The following PTPRN variants were observed in gnomAD, a reference collection of about 807,000 sequenced individuals.
The protein encoded by PTPRN is receptor-type tyrosine-protein phosphatase-like N.
PTPRN carries 70 observed loss-of-function variants against 108.5 expected under a neutral mutation model. That is an observed-to-expected ratio of 0.65 (90% CI 0.53 to 0.79). The LOEUF is 0.79. Among genes scored for constraint, PTPRN ranks in the 30% least tolerant of loss-of-function variants. The pLI is 0.00. For synonymous variants in PTPRN, 496 were observed against 524.6 expected, an observed-to-expected ratio of 0.95 and a Z score of 0.75; for missense variants, 1,136 against 1,295.5, an observed-to-expected ratio of 0.88 and a Z score of 1.89.
rs771782512 is a variant in PTPRN, at chr2:219,302,542, T to C, written c.639+34A>G. 5.0e-6 allele frequency: 8 copies of C among 1,612,846 alleles called. No homozygotes were observed. The East Asian group carries it at 1.8e-4, about 36-fold the overall frequency. On this transcript the variant is annotated intron_variant, in intron 5 of 22. Transcript: ENST00000295718. ...AGAGCAGAAGTCCGGGCTGAGGGAC[T>C]GCGGTTGGGGTGGGACCAGAGTCAA... is the stretch of plus-strand genomic sequence containing the variant.
chr2:219,302,167 C>T lies in PTPRN; in HGVS notation c.964G>A (p.Glu322Lys). The T allele has an allele frequency of 1.3e-6, 2 of 1,596,138 alleles. No homozygotes were observed. The highest frequency in any genetic ancestry group is 8.6e-7 in the Non-Finnish European group (1 of 1,167,086). The stretch of plus-strand genomic sequence containing the variant: ...TGCACAGCTGGGGAAGCAGGCTTCT[C>T]TCCACGATCCCCTAGTCCTTCCTTC... ...YEKEGLGDRG[E>K]KPASPAVQPD... The change falls in exon 6 of 23, where the codon GAG becomes AAG. Residue 322 changes from glutamate to lysine, a missense_variant. By Grantham distance (56) the Glu-to-Lys change is moderately conservative. Transcript: ENST00000295718.
chr2:219,297,546 A>G lies in PTPRN; in HGVS notation c.1888-113T>C. 1.9e-6 allele frequency: 2 copies of G among 1,059,702 alleles called. No individual in the cohort carries two copies. The highest frequency in any genetic ancestry group is 1.5e-5 in the South Asian group (1 of 67,228). 65.6% of individuals were successfully genotyped at this position (1,059,702 alleles called of 1,614,324 possible). ...CCTTGACTGATTTTCAGTGGAACTC[A>G]GCTCCTCTGGGGTATGGTCTTCTGC... On this transcript the variant is annotated intron_variant, in intron 13 of 22. Transcript: ENST00000295718. This position sits in a 1 kb window ranked among gnomAD's most constrained non-coding sequence, Gnocchi z 6.0.
In PTPRN at chr2:219,296,929, CCA is replaced by C. The variant is rs1952212573; in HGVS notation, c.2236+54_2236+55del. 3.7e-6 allele frequency: 6 copies of C among 1,612,476 alleles called. No individual in the cohort carries two copies. The Admixed American group carries it at 1.0e-4, about 27-fold the overall frequency. On this transcript the variant is annotated intron_variant, in intron 15 of 22. Coordinates refer to ENST00000295718, the MANE Select transcript of PTPRN (RefSeq NM_002846.4). This position sits in a 1 kb window ranked among gnomAD's most constrained non-coding sequence, Gnocchi z 6.0. ...AGCCCAACCCCTTACCCCAAGCCCT[CCA>C]GACCTCGCAGCAGAGAGAGGGCTGG...
chr2:219,294,724 G>A (rs776884163), intron 19 of PTPRN, among the ~76,000 whole-genome samples: 13 of 152,136 alleles, frequency 8.5e-5, no homozygotes, highest in South Asian at 2.1e-4. Context: ...TCCCGGGAGC[G>A]TGAGAGGGAG....
In PTPRN at chr2:219,302,844, AG is replaced by A. The variant is rs1327881894; in HGVS notation, c.378-8del. 2 of 1,606,694 alleles carry A rather than the reference AG, an allele frequency of 1.2e-6. No individual in the cohort carries two copies. Among genetic ancestry groups the A allele is most frequent in the Admixed American group, 3.5e-5 (2 of 56,728 alleles). On this transcript the variant is annotated splice_polypyrimidine_tract_variant and splice_region_variant and intron_variant, in intron 4 of 22. Transcript: ENST00000295718. The stretch of plus-strand genomic sequence containing the variant: ...CTTGGGTGCCAAGCCAGACCTGTAG[AG>A]GAAAGCAAAGTGTGTGTGTTGGAGC...
rs766287867 is a variant in PTPRN, at chr2:219,301,714, C to T, written c.1000G>A (p.Ala334Thr). The stretch of plus-strand genomic sequence containing the variant: ...AGCACAGCGGCCAGCCTCTGCAGAG[C>T]CGCATCTGCTGGGAGCCAGACACAG... Reference protein sequence around the residue: ...PASPAVQPDAALQRLAAVLAG... With the variant: ...PASPAVQPDATLQRLAAVLAG... Residue 334 changes from alanine (A) to threonine (T), a missense_variant, in exon 7 of 23, where the codon GCT becomes ACT. Transcript: ENST00000295718. The T allele has an allele frequency of 1.2e-6, 2 of 1,608,264 alleles. No homozygotes were observed. The highest frequency in any genetic ancestry group is 1.7e-6 in the Non-Finnish European group (2 of 1,175,528).
At chr2:219,294,923 C>T in intron 19 of PTPRN, 52 bp downstream of exon 19, 1 of 1,393,264 alleles carries the variant, frequency 7.2e-7, no homozygotes, top group African/African-American at 1.5e-5. Flanking sequence ...GGGCGGACCC[C>T]GGCTCCGCCC....
intron 12 of PTPRN, 29 bp from the exon 13 acceptor site, chr2:219,298,132 G>A (rs1952248957): frequency 1.2e-6 from 2 of 1,601,676 alleles, no homozygotes; most frequent in East Asian, 2.2e-5. Context: ...AATCAAGGGA[G>A]GCAGTGGCAT....
chr2:219,297,205 C>G lies in PTPRN; in HGVS notation c.2088+28G>C, dbSNP rs760531856. 1 of 1,610,882 alleles carries G rather than the reference C, an allele frequency of 6.2e-7. No individual in the cohort carries two copies. The highest frequency in any genetic ancestry group is 1.7e-5 in the Admixed American group (1 of 59,904). On this transcript the variant is annotated intron_variant, in intron 14 of 22. Coordinates refer to ENST00000295718, the MANE Select transcript of PTPRN (RefSeq NM_002846.4). The surrounding 1 kb of genome is among the most constrained non-coding windows in gnomAD (Gnocchi z 6.0). ...CTCTCTCACCATCCCATTCCTTCAC[C>G]CACTCTGGGCCCAGGCCCTGTCCTG... is the stretch of plus-strand genomic sequence containing the variant.
chr2:219,291,019 G>A, intron 20 of PTPRN, 129 bp from the exon 21 acceptor site: 2 of 829,288 alleles, frequency 2.4e-6, no homozygotes, highest in South Asian at 3.0e-5. Flanking sequence ...TTGGCTTGGA[G>A]AGGGACAGTG....
In PTPRN at chr2:219,302,386, A is replaced by C. The variant is rs755580612; in HGVS notation, c.745T>G (p.Ser249Ala). ...GGGTGGTCCCCAAATATGCCCTTGG[A>C]GGCAGTTCTGCTGAAGAGGGCAGGG... ...EAPALFSRTA[S>A]KGIFGDHPGH... is the part of the protein sequence containing the mutation. The change falls in exon 6 of 23, where the codon TCC (serine) becomes GCC (alanine). Residue 249 changes from serine to alanine, a missense_variant. Transcript: ENST00000295718. 5.0e-5 allele frequency: 80 copies of C among 1,613,864 alleles called. No homozygotes were observed. Among genetic ancestry groups the C allele is most frequent in the Non-Finnish European group, 6.5e-5 (77 of 1,179,914 alleles).
At position 219,290,905 on chromosome 2, in the gene PTPRN, A is replaced by G; in HGVS notation, c.2730-15T>C. The G allele has an allele frequency of 6.2e-7, 1 of 1,612,768 alleles. No homozygotes were observed. Among genetic ancestry groups the G allele is most frequent in the Non-Finnish European group, 8.5e-7 (1 of 1,178,934 alleles). On this transcript the variant is annotated splice_polypyrimidine_tract_variant and intron_variant, in intron 20 of 22. Transcript: ENST00000295718. This position sits in a 1 kb window ranked among gnomAD's most constrained non-coding sequence, Gnocchi z 4.2. ...CCGCACCATCACTGAAACAGGAGTTAGTGACAGGTTTAGCTTGAGATGCAG... is the reference window on the plus strand; with the variant it reads ...CCGCACCATCACTGAAACAGGAGTTGGTGACAGGTTTAGCTTGAGATGCAG...
At position 219,289,872 on chromosome 2, in the gene PTPRN, G is replaced by A. The variant is rs1952014482; in HGVS notation, c.*354C>T. ...CCCCATTCTTCCATACTGGAGCATA[G>A]GGGGACACACACAGATGTTCAGGGA... On this transcript the variant is annotated 3_prime_UTR_variant, in exon 23 of 23. Coordinates refer to ENST00000295718, the MANE Select transcript of PTPRN (RefSeq NM_002846.4). The A allele has an allele frequency of 8.1e-6, 2 of 248,258 alleles. No individual in the cohort carries two copies. The highest frequency in any genetic ancestry group is 1.6e-5 in the Non-Finnish European group (2 of 125,166). 15.4% of individuals were successfully genotyped at this position (248,258 alleles called of 1,614,324 possible). A position where few individuals can be genotyped will look rare whatever the true frequency, so the allele number is the denominator to read the frequency against.
chr2:219,300,211 G>C lies in PTPRN; in HGVS notation c.1210C>G (p.Arg404Gly). The C allele has an allele frequency of 6.2e-7, 1 of 1,603,002 alleles. No individual in the cohort carries two copies. The highest frequency in any genetic ancestry group is 8.5e-7 in the Non-Finnish European group (1 of 1,173,782). The change falls in exon 9 of 23, where the codon CGC becomes GGC. Residue 404 changes from arginine (R) to glycine (G), a missense_variant. Physicochemically the swap from Arg to Gly is moderately radical, Grantham distance 125. Coordinates refer to ENST00000295718, the MANE Select transcript of PTPRN (RefSeq NM_002846.4). ...GGGTGTCCAGGCATGGGGGATGTGC[G>C]GGCTGGAAGCTCTGCTGTGTCTCTG... ...EGRDTAELPA[R>G]TSPMPGHPTA... is the part of the protein sequence containing the mutation.
At chr2:219,298,255 C>G in intron 12 of PTPRN, 152 bp from the exon 13 acceptor site, 1 of 716,766 alleles carries the variant, frequency 1.4e-6, no homozygotes, top group Non-Finnish European at 2.3e-6. Flanking sequence ...CAGATGGGCT[C>G]AGATTCTCCT....
chr2:219,294,883 G>A (rs1952144092), intron 19 of PTPRN, 92 bp downstream of exon 19: 1 of 1,296,298 alleles, frequency 7.7e-7, no homozygotes, highest in Non-Finnish European at 1.0e-6. Flanking sequence ...CGAGGCTCCA[G>A]GCCCGACCCG....
chr2:219,301,820 G>T, intron 6 of PTPRN, 101 bp from the exon 7 acceptor site: 1 of 1,380,994 alleles, frequency 7.2e-7, no homozygotes, highest in Non-Finnish European at 9.7e-7. Context: ...TGTTAAGAGA[G>T]TCTTCCCAGA....
rs771053969 is a variant in PTPRN at position 219,297,875 on chromosome 2, G to A, written c.1887+10C>T. On this transcript the variant is annotated intron_variant, in intron 13 of 22. Coordinates refer to ENST00000295718, the MANE Select transcript of PTPRN (RefSeq NM_002846.4). This position sits in a 1 kb window ranked among gnomAD's most constrained non-coding sequence, Gnocchi z 6.0. ...TTTCCTTTGCTCAATCAGCTTCTGG[G>A]GCTGCACACCTGGTACTCAAAGGTA... is the stretch of plus-strand genomic sequence containing the variant. 1.9e-6 allele frequency: 3 copies of A among 1,597,848 alleles called. No homozygotes were observed. The highest frequency in any genetic ancestry group is 2.6e-6 in the Non-Finnish European group (3 of 1,173,348).
intron 4 of PTPRN, 130 bp from the exon 5 acceptor site, chr2:219,302,967 A>C: frequency 3.6e-6 from 3 of 843,620 alleles, no homozygotes; most frequent in Non-Finnish European, 3.4e-6. Flanking sequence ...AAACTGAGTG[A>C]CCTCAGGGGA....
Sources: gnomAD v4.1 joint callset for allele counts (sites outside exome capture counted in the v4.1 genomes callset) on GRCh38, gnomAD v4.1.1 for gene constraint, Gnocchi (gnomAD v3.1) non-coding constraint, MANE v1.5 for transcripts, NCBI Gene and HGNC (gene_info 2026-07-23, HGNC 2026-07-21) for gene names.